The following SDK1 variants were observed in gnomAD, a reference collection of about 807,000 sequenced individuals.
SDK1 encodes protein sidekick-1.
A neutral mutation model predicts 245.5 loss-of-function variants in SDK1; 157 were observed. That is an observed-to-expected ratio of 0.64 (90% CI 0.56 to 0.73). The LOEUF (loss-of-function observed/expected upper bound fraction) is 0.73, where lower values mean the gene tolerates loss of function less well. Ranked by LOEUF, SDK1 falls within the 30% of genes least tolerant of loss-of-function variation. The pLI, the probability that SDK1 is intolerant of heterozygous loss-of-function variation, is 0.00. For missense variants in SDK1, 3,583 were observed against 3,002.3 expected, an observed-to-expected ratio of 1.19 and a Z score of -4.52; for synonymous variants, 1,647 against 1,278.5, an observed-to-expected ratio of 1.29 and a Z score of -6.15.
chr7:4,106,810 C>T (rs563793132), intron 22 of SDK1, among the ~76,000 whole-genome samples: 24 of 152,094 alleles, frequency 1.6e-4, no homozygotes, highest in African/African-American at 4.6e-4. Flanking sequence ...GGGGGTGGAA[C>T]AGCCCTGAAT....
chr7:3,763,072 A>G (rs1780153214), intron 4 of SDK1, among the ~76,000 whole-genome samples: 1 of 152,160 alleles, frequency 6.6e-6, no homozygotes, highest in African/African-American at 2.4e-5. Context: ...AACATAGGAC[A>G]TTATTTTGAC....
chr7:4,208,843 G>A (rs1414717347), intron 37 of SDK1, among the ~76,000 whole-genome samples: 3 of 152,236 alleles, frequency 2.0e-5, no homozygotes, highest in East Asian at 1.9e-4. Flanking sequence ...CGCACAGGGC[G>A]CAGCGCCTGT....
At chr7:3,854,348 C>T (rs1393738574) in intron 5 of SDK1, among the ~76,000 whole-genome samples, 1 of 152,150 alleles carries the variant, frequency 6.6e-6, no homozygotes, top group African/African-American at 2.4e-5. Flanking sequence ...TGTAACAATA[C>T]ATACCTTATA....
intron 5 of SDK1, among the ~76,000 whole-genome samples, chr7:3,914,434 G>C (rs974642943): frequency 6.6e-6 from 1 of 152,190 alleles, no homozygotes; most frequent in South Asian, 2.1e-4. Flanking sequence ...AAATCACAGC[G>C]AGATTGTGGC....
intron 16 of SDK1, among the ~76,000 whole-genome samples, chr7:4,013,434 C>T (rs1455893918): frequency 6.6e-6 from 1 of 152,198 alleles, no homozygotes; most frequent in Non-Finnish European, 1.5e-5. Context: ...TGGGTATCCG[C>T]TTATTCCCTT....
At chr7:4,196,266 C>T (rs752227035) in intron 35 of SDK1, among the ~76,000 whole-genome samples, 57 of 152,182 alleles carry the variant, frequency 3.7e-4, no homozygotes, top group Non-Finnish European at 7.6e-4. Flanking sequence ...CCTGTTGCAG[C>T]CCCGCCCTCG....
chr7:3,937,655 G>C (rs570256091), intron 5 of SDK1, among the ~76,000 whole-genome samples: 1 of 152,288 alleles, frequency 6.6e-6, no homozygotes, highest in East Asian at 1.9e-4. Context: ...ACTTTGAAAA[G>C]AGCTTTGTGC....
intron 1 of SDK1, among the ~76,000 whole-genome samples, chr7:3,437,074 C>G (rs1347848663): frequency 6.6e-6 from 1 of 152,144 alleles, no homozygotes; most frequent in Non-Finnish European, 1.5e-5. Flanking sequence ...GCTTTTCTTT[C>G]CACATGATCT....
intron 27 of SDK1, 65 bp downstream of exon 27, chr7:4,130,162 C>A: frequency 7.0e-7 from 1 of 1,427,404 alleles, no homozygotes; most frequent in Admixed American, 2.4e-5. Context: ...CCAATGCAAA[C>A]AATTTGGATT....
At position 4,178,561 on chromosome 7, in the gene SDK1, C is replaced by T. The variant is rs139887943; in HGVS notation, c.5073C>T (p.Pro1691=). The T allele has an allele frequency of 5.8e-5, 93 of 1,612,610 alleles. No individual in the cohort carries two copies. The highest frequency in any genetic ancestry group is 9.9e-5 in the South Asian group (9 of 91,074). Residue 1691 remains proline (P), a synonymous_variant, in exon 35 of 45, where the codon CCC becomes CCT. Transcript: ENST00000404826. ...TCGGCGAGAGCCCAGCCAGCGCGCC[C>T]GTGGAGGTCTTTGTCGGCGAGGCTG... ...NIIGESPASA[P]VEVFVGEAAP... is the part of the protein sequence containing the mutation.
chr7:3,756,844 G>A (rs557915237), intron 4 of SDK1, among the ~76,000 whole-genome samples: 1 of 152,134 alleles, frequency 6.6e-6, no homozygotes, highest in Non-Finnish European at 1.5e-5. Flanking sequence ...TCCCACAGGG[G>A]TAAAGGACCC....
intron 5 of SDK1, among the ~76,000 whole-genome samples, chr7:3,833,404 A>G (rs1779957558): frequency 6.6e-6 from 1 of 152,190 alleles, no homozygotes; most frequent in South Asian, 2.1e-4. Flanking sequence ...ATTAATTCAG[A>G]CAGGGTTGAA....
At chr7:3,907,750 C>G (rs765676887) in intron 5 of SDK1, among the ~76,000 whole-genome samples, 2 of 152,204 alleles carry the variant, frequency 1.3e-5, no homozygotes, top group Non-Finnish European at 2.9e-5. Flanking sequence ...GGTCTTACAT[C>G]ATCCCTCATC....
chr7:3,958,005 A>G, intron 7 of SDK1: 1 of 470,816 alleles, frequency 2.1e-6, no homozygotes, highest in Non-Finnish European at 4.4e-6. Context: ...TTTCTTTGAA[A>G]TGCTTAGTTT....
At chr7:3,801,165 T>C (rs918785061) in intron 4 of SDK1, among the ~76,000 whole-genome samples, 8 of 152,230 alleles carry the variant, frequency 5.3e-5, no homozygotes, top group Non-Finnish European at 1.0e-4. Flanking sequence ...ACTATTTCAT[T>C]TATGAGACAT....
At chr7:3,484,420 C>T (rs553546454) in intron 1 of SDK1, among the ~76,000 whole-genome samples, 5 of 152,182 alleles carry the variant, frequency 3.3e-5, no homozygotes, top group Middle Eastern at 3.4e-3. Context: ...GTGAGGATTT[C>T]GGTAAACATG....
intron 1 of SDK1, among the ~76,000 whole-genome samples, chr7:3,429,759 G>A (rs1270975119): frequency 2.0e-5 from 3 of 150,538 alleles, no homozygotes; most frequent in Non-Finnish European, 3.0e-5. Flanking sequence ...ACCATGTCTG[G>A]CTTTTTTTTT....
intron 22 of SDK1, among the ~76,000 whole-genome samples, chr7:4,091,329 C>CTT (rs1554337372): frequency 9.9e-5 from 12 of 120,696 alleles, no homozygotes; most frequent in African/African-American, 4.2e-4. Context: ...ATTTTCTTTT[C>CTT]TTTTCTTTTT....
intron 1 of SDK1, among the ~76,000 whole-genome samples, chr7:3,411,101 T>C (rs917926215): frequency 4.6e-5 from 7 of 151,914 alleles, no homozygotes; most frequent in Non-Finnish European, 1.0e-4. Context: ...TACAGAAAGG[T>C]AGGAGTGAGG....
Sources: allele counts gnomAD v4.1 joint callset (sites outside exome capture counted in the v4.1 genomes callset), GRCh38; gene constraint gnomAD v4.1.1; transcripts MANE v1.5; gene names NCBI Gene and HGNC (gene_info 2026-07-23, HGNC 2026-07-21).